Variants in RIPK2 observed in about 807,000 individuals in gnomAD.
RIPK2 encodes the protein receptor interacting serine/threonine kinase 2.
Under a neutral mutation model 60.9 loss-of-function variants are expected in RIPK2, and 38 were observed. The observed-to-expected ratio is 0.62, with a 90% CI of 0.48 to 0.82. The LOEUF (loss-of-function observed/expected upper bound fraction) is 0.82, where lower values mean the gene tolerates loss of function less well. Among genes scored for constraint, RIPK2 ranks in the 40% least tolerant of loss-of-function variants. The pLI is 0.00. For synonymous variants in RIPK2, 225 were observed against 223.4 expected (o/e 1.01, Z -0.06); for missense variants, 518 against 647.0 (o/e 0.80, Z 2.16).
intron 1 of RIPK2, among the ~76,000 whole-genome samples, chr8:89,760,020 A>C (rs1448253777): frequency 6.6e-6 from 1 of 152,142 alleles, no homozygotes; most frequent in Non-Finnish European, 1.5e-5. Flanking sequence ...CCAGCGAAAC[A>C]CTCTGGCATT....
At chr8:89,774,170 G>C (rs1809359888) in intron 6 of RIPK2, among the ~76,000 whole-genome samples, 1 of 151,992 alleles carries the variant, frequency 6.6e-6, no homozygotes, top group African/African-American at 2.4e-5. Flanking sequence ...TAAAGGGCTT[G>C]ATTCTAGAAT....
At chr8:89,758,350 C>A in intron 1 of RIPK2, 117 bp downstream of exon 1, 1 of 1,076,354 alleles carries the variant, frequency 9.3e-7, no homozygotes, top group South Asian at 1.6e-5. Context: ...GGCCTCACCT[C>A]GTCACCTCTA....
rs1242895924 is a variant in RIPK2 at position 89,772,804 on chromosome 8, C to A, written c.829C>A (p.Pro277Thr). The A allele has an allele frequency of 1.2e-6, 2 of 1,606,458 alleles. No individual in the cohort carries two copies. The highest frequency in any genetic ancestry group is 2.2e-5 in the East Asian group (1 of 44,634). Residue 277 changes from proline to threonine, a missense_variant, in exon 6 of 11, where the codon CCA becomes ACA. Transcript: ENST00000220751. ...SLIESGWAQNPDERPSFLKCL... is the reference protein window; with the variant it reads ...SLIESGWAQNTDERPSFLKCL... ...AATAGAAAGTGGATGGGCACAAAATCCAGATGAAAGACCATCTTTCTTAAG... is the reference window on the plus strand; with the variant it reads ...AATAGAAAGTGGATGGGCACAAAATACAGATGAAAGACCATCTTTCTTAAG...
intron 1 of RIPK2, among the ~76,000 whole-genome samples, chr8:89,760,159 G>A (rs184316864): frequency 9.9e-5 from 15 of 152,216 alleles, no homozygotes; most frequent in Non-Finnish European, 1.5e-4. Context: ...TATAAAATAC[G>A]AATAATAAAT....
chr8:89,770,041 T>C, intron 4 of RIPK2, 112 bp downstream of exon 4: 1 of 879,420 alleles, frequency 1.1e-6, no homozygotes, highest in South Asian at 1.9e-5. Flanking sequence ...CTCTCATAAT[T>C]GTGGTGAAAA....
intron 1 of RIPK2, among the ~76,000 whole-genome samples, chr8:89,761,802 A>C (rs1298617187): frequency 6.6e-6 from 1 of 152,044 alleles, no homozygotes; most frequent in Non-Finnish European, 1.5e-5. Context: ...GTGAAGTTTC[A>C]CCACCCTAAC....
intron 7 of RIPK2, 49 bp from the exon 8 acceptor site, chr8:89,784,001 C>T: frequency 1.0e-6 from 1 of 979,820 alleles, no homozygotes; most frequent in Non-Finnish European, 1.6e-6. Context: ...TCTATAATTT[C>T]CTAATCATCT....
At chr8:89,777,254 AG>A (rs1222023222) in intron 6 of RIPK2, among the ~76,000 whole-genome samples, 2 of 152,246 alleles carry the variant, frequency 1.3e-5, no homozygotes, top group Admixed American at 6.5e-5. Flanking sequence ...TTTGCAGAGA[AG>A]TAAGTATTGC....
chr8:89,778,745 T>C, intron 6 of RIPK2, among the ~76,000 whole-genome samples: 1 of 152,350 alleles, frequency 6.6e-6, no homozygotes, highest in East Asian at 1.9e-4. Context: ...TTTCTACTTG[T>C]TGCCTCTGTG....
intron 1 of RIPK2, 72 bp downstream of exon 1, chr8:89,758,305 C>G: frequency 6.9e-7 from 1 of 1,443,036 alleles, no homozygotes; most frequent in Non-Finnish European, 9.2e-7. Context: ...GACAAGCGGG[C>G]TCTAGAGCCC....
In RIPK2 at chr8:89,779,563, G is replaced by C. The variant is rs187724881; in HGVS notation, c.854-512G>C. On this transcript the variant is annotated intron_variant, in intron 6 of 10. Coordinates refer to ENST00000220751, the MANE Select transcript of RIPK2 (RefSeq NM_003821.6). ...TCTCAATCTCCTGACCTGGTGATCT[G>C]TCCGCCTCGGCCTCCCAAAGTGCTG... 4.2e-4 allele frequency among the ~76,000 whole-genome samples: 64 copies of C among 152,010 alleles called. 3 individuals carry two copies. The East Asian group carries it at 0.01, about 24-fold the overall frequency.
intron 6 of RIPK2, 55 bp downstream of exon 6, chr8:89,772,883 T>G: frequency 8.2e-7 from 1 of 1,225,578 alleles, no homozygotes; most frequent in Non-Finnish European, 1.1e-6. Context: ...GTTAATATAC[T>G]GTGAATAAAA....
chr8:89,766,091 T>C (rs970545220), intron 3 of RIPK2, among the ~76,000 whole-genome samples: 8 of 152,022 alleles, frequency 5.3e-5, no homozygotes, highest in Middle Eastern at 6.8e-3. Flanking sequence ...ATAAGTGGAA[T>C]CATATAGTAT....
At chr8:89,770,399 A>G (rs187455686) in intron 4 of RIPK2, among the ~76,000 whole-genome samples, 3 of 151,996 alleles carry the variant, frequency 2.0e-5, no homozygotes, top group South Asian at 2.1e-4. Flanking sequence ...CAACAAATCA[A>G]TGGGTTTGAT....
chr8:89,780,109 A>G lies in RIPK2; in HGVS notation c.888A>G (p.Thr296=), dbSNP rs755805879. ...CLIELEPVLR[T]FEEITFLEAV... ...TAGAACTTGAACCAGTTTTGAGAAC[A>G]TTTGAAGAGATAACTTTTCTTGAAG... is the stretch of plus-strand genomic sequence containing the variant. Residue 296 remains threonine, a synonymous_variant, in exon 7 of 11, where the codon ACA becomes ACG. Coordinates refer to ENST00000220751, the MANE Select transcript of RIPK2 (RefSeq NM_003821.6). 4 of 1,573,222 alleles carry G rather than the reference A, an allele frequency of 2.5e-6. No individual in the cohort carries two copies. In the South Asian group the frequency reaches 4.6e-5, roughly 18 times the overall value.
chr8:89,758,675 TTAGCCACAGGTG>T, intron 1 of RIPK2, among the ~76,000 whole-genome samples: 1 of 152,350 alleles, frequency 6.6e-6, no homozygotes, highest in East Asian at 1.9e-4. Context: ...TAGGTAGCTC[TTAGCCACAGGTG>T]GCTATTGAGC....
At chr8:89,765,517 T>G (rs554301756) in intron 3 of RIPK2, 21 bp downstream of exon 3, 9 of 1,483,334 alleles carry the variant, frequency 6.1e-6, no homozygotes, top group Admixed American at 1.8e-5. Flanking sequence ...TTTTAAAAAG[T>G]TTATGTTTCC....
intron 7 of RIPK2, chr8:89,780,381 C>G (rs571119260): frequency 6.9e-6 from 2 of 288,722 alleles, no homozygotes; most frequent in East Asian, 8.1e-5. Flanking sequence ...ATTTTAAAGA[C>G]ATTTCCAGGA....
chr8:89,782,213 A>T (rs1362398314), intron 7 of RIPK2, among the ~76,000 whole-genome samples: 4 of 152,196 alleles, frequency 2.6e-5, no homozygotes, highest in Non-Finnish European at 2.9e-5. Context: ...GTGGTAGCTT[A>T]TACAGCATGG....
Sources: allele counts gnomAD v4.1 joint callset (sites outside exome capture counted in the v4.1 genomes callset), GRCh38; gene constraint gnomAD v4.1.1; transcripts MANE v1.5; gene names NCBI Gene and HGNC (gene_info 2026-07-23, HGNC 2026-07-21).